Variants in SLC43A2 observed in about 807,000 individuals in gnomAD.
The protein encoded by SLC43A2 is large neutral amino acids transporter small subunit 4.
In SLC43A2, 38 loss-of-function variants were observed where a neutral mutation model predicts 63.2. The observed-to-expected ratio is 0.60, with a 90% CI of 0.46 to 0.79. The LOEUF (loss-of-function observed/expected upper bound fraction) is 0.79. SLC43A2 is among the 30% of genes least tolerant of loss of function. SLC43A2 has a pLI of 0.00. For synonymous variants in SLC43A2, 322 were observed against 331.0 expected (o/e 0.97, Z 0.30); for missense variants, 644 against 756.2 (o/e 0.85, Z 1.74).
chr17:1,603,109 A>G (rs1906231544), intron 5 of SLC43A2: 1 of 152,118 alleles, frequency 6.6e-6, no homozygotes, highest in Non-Finnish European at 1.5e-5. Flanking sequence ...AGTTACTATT[A>G]TGATATGTGT....
At chr17:1,592,150 C>A (rs1161462297) in intron 6 of SLC43A2, among the ~76,000 whole-genome samples, 1 of 152,210 alleles carries the variant, frequency 6.6e-6, no homozygotes, top group African/African-American at 2.4e-5. Context: ...TCAAGGAAGC[C>A]AGGCATGGTG....
At position 1,575,742 on chromosome 17, in the gene SLC43A2, GAGA is replaced by G; in HGVS notation, c.1569_1571del (p.Leu524del). 1.2e-6 allele frequency: 2 copies of G among 1,612,858 alleles called. No homozygotes were observed. Among genetic ancestry groups the G allele is most frequent in the Non-Finnish European group, 1.7e-6 (2 of 1,179,736 alleles). Reference sequence around the variant, plus strand: ...GCGGGAGGCAGAAGCCCAGCAGGCTGAGAAGGAGCAGCCCCACGTTCACCTGGG... The same window carrying G: ...GCGGGAGGCAGAAGCCCAGCAGGCTGAGGAGCAGCCCCACGTTCACCTGGG... On this transcript the variant is annotated inframe_deletion, in exon 14 of 14. Transcript: ENST00000301335.
rs1280993722 is a variant in SLC43A2, at chr17:1,591,486, G to A, written c.729-15C>T. 6.2e-7 allele frequency: 1 copy of A among 1,612,586 alleles called. No individual in the cohort carries two copies. Among genetic ancestry groups the A allele is most frequent in the Non-Finnish European group, 8.5e-7 (1 of 1,179,862 alleles). On this transcript the variant is annotated splice_polypyrimidine_tract_variant and intron_variant, in intron 7 of 13. Coordinates refer to ENST00000301335, the MANE Select transcript of SLC43A2 (RefSeq NM_152346.3). ...TGATCTTCACCCTGGGGCCCCGGGA[G>A]AGTGTCTGTGGGTGCTGCCCGGGAC...
chr17:1,600,994 C>T (rs1429246996), intron 5 of SLC43A2, among the ~76,000 whole-genome samples: 3 of 151,866 alleles, frequency 2.0e-5, no homozygotes, highest in Admixed American at 6.6e-5. Context: ...ATACAAGAAT[C>T]GCGTTGCATA....
At chr17:1,609,556 T>C (rs1212747838) in intron 5 of SLC43A2, among the ~76,000 whole-genome samples, 2 of 152,280 alleles carry the variant, frequency 1.3e-5, no homozygotes, top group East Asian at 3.9e-4. Flanking sequence ...TAAAACATGC[T>C]AATCCTGTGG....
At chr17:1,609,543 T>A (rs1277544774) in intron 5 of SLC43A2, among the ~76,000 whole-genome samples, 1 of 152,196 alleles carries the variant, frequency 6.6e-6, no homozygotes, top group Non-Finnish European at 1.5e-5. Flanking sequence ...ACATATTAAA[T>A]TTTAAAACAT....
chr17:1,602,744 GT>G (rs988970189), intron 5 of SLC43A2, among the ~76,000 whole-genome samples: 6 of 148,246 alleles, frequency 4.0e-5, no homozygotes, highest in Non-Finnish European at 6.0e-5. Flanking sequence ...AATTCATGGT[GT>G]TTTGTTTTTT....
intron 9 of SLC43A2, among the ~76,000 whole-genome samples, chr17:1,586,775 AG>A (rs2076108604): frequency 6.6e-6 from 1 of 152,190 alleles, no homozygotes; most frequent in African/African-American, 2.4e-5. Context: ...TTAAAATGAC[AG>A]TGGATTTTCC....
At chr17:1,599,581 G>T (rs1275300137) in intron 5 of SLC43A2, among the ~76,000 whole-genome samples, 1 of 151,232 alleles carries the variant, frequency 6.6e-6, no homozygotes, top group African/African-American at 2.4e-5. Context: ...GGCACCTGTA[G>T]TCCCAGCTAC....
chr17:1,575,866 G>C (rs146441442), intron 13 of SLC43A2, 101 bp from the exon 14 acceptor site: 3 of 1,360,016 alleles, frequency 2.2e-6, no homozygotes, highest in Non-Finnish European at 3.0e-6. Flanking sequence ...AGGTCACGGG[G>C]TGGAAGGGGG....
intron 3 of SLC43A2, 22 bp downstream of exon 3, chr17:1,616,540 C>T: frequency 6.3e-7 from 1 of 1,594,056 alleles, no homozygotes; most frequent in Non-Finnish European, 8.5e-7. Context: ...CACTCCCTGC[C>T]CCCTAAGGGA....
chr17:1,609,355 C>A (rs1033335954), intron 5 of SLC43A2, among the ~76,000 whole-genome samples: 8 of 152,138 alleles, frequency 5.3e-5, no homozygotes, highest in Non-Finnish European at 1.2e-4. Context: ...GCGCCCTCCA[C>A]CAAGCCCAGC....
intron 5 of SLC43A2, among the ~76,000 whole-genome samples, chr17:1,607,878 G>T (rs1906763257): frequency 6.6e-6 from 1 of 152,068 alleles, no homozygotes; most frequent in South Asian, 2.1e-4. Context: ...ACCACATCTG[G>T]CTAATTTTTG....
chr17:1,616,801 A>G (rs1274686478), intron 2 of SLC43A2, 32 bp from the exon 3 acceptor site: 1 of 1,609,068 alleles, frequency 6.2e-7, no homozygotes, highest in South Asian at 1.1e-5. Context: ...CCCTGACCTC[A>G]GGGTCATGAC....
rs1567613244 is a variant in SLC43A2, at chr17:1,583,435, C to CG, written c.1218-100dup. 2 of 1,559,582 alleles carry CG rather than the reference C, an allele frequency of 1.3e-6. No individual in the cohort carries two copies. Among genetic ancestry groups the CG allele is most frequent in the Admixed American group, 1.8e-5 (1 of 55,714 alleles). ...TCAAGCGTCGCAGCAGGTAAACTGA[C>CG]GCAAGACTCAGAAGCCACCCAGGCA... On this transcript the variant is annotated intron_variant, in intron 10 of 13. Transcript: ENST00000301335. The surrounding 1 kb of genome is among the most constrained non-coding windows in gnomAD (Gnocchi z 5.5).
intron 6 of SLC43A2, 29 bp from the exon 7 acceptor site, chr17:1,591,728 G>GGC (rs1555538849): frequency 9.8e-6 from 9 of 922,554 alleles, no homozygotes; most frequent in Middle Eastern, 3.4e-4. Context: ...ACGGGGTGGG[G>GGC]GGGGGAGGGG....
rs1906475330 is a variant in SLC43A2 at position 1,605,088 on chromosome 17, G to C, written c.501+8107C>G. On this transcript the variant is annotated intron_variant, in intron 5 of 13. Transcript: ENST00000301335. This position sits in a 1 kb window ranked among gnomAD's most constrained non-coding sequence, Gnocchi z 4.9. Reference sequence around the variant, plus strand: ...GACTCACCACCACACTCACAGGTGGGAGTGCAAGCCCCTCTTCCCGCCCTC... The same window carrying C: ...GACTCACCACCACACTCACAGGTGGCAGTGCAAGCCCCTCTTCCCGCCCTC... 1 of 1,375,176 alleles carries C rather than the reference G, an allele frequency of 7.3e-7. No homozygotes were observed. Among genetic ancestry groups the C allele is most frequent in the Admixed American group, 3.1e-5 (1 of 32,168 alleles). The allele number at this position is 1,375,176 out of a possible 1,614,324, so 85.2% of individuals were successfully genotyped here.
In SLC43A2 at chr17:1,596,475, C is replaced by A. The variant is rs539995817; in HGVS notation, c.502-3196G>T. Among the ~76,000 whole-genome samples the A allele has an allele frequency of 2.0e-5, 3 of 152,176 alleles. No individual in the cohort carries two copies. In the South Asian group the frequency reaches 6.2e-4, roughly 32 times the overall value. On this transcript the variant is annotated intron_variant, in intron 5 of 13. Transcript: ENST00000301335. Reference sequence around the variant, plus strand: ...GAGAAACTTCTTACAAATCACAGATCAAGAGCTTGCATCTAGAATATATAA... The same window carrying A: ...GAGAAACTTCTTACAAATCACAGATAAAGAGCTTGCATCTAGAATATATAA...
intron 11 of SLC43A2, among the ~76,000 whole-genome samples, chr17:1,582,943 A>C (rs552396446): frequency 6.6e-6 from 1 of 152,064 alleles, no homozygotes; most frequent in African/African-American, 2.4e-5. Flanking sequence ...GCTGGGCGTG[A>C]TGGTGCGCAC....
Sources: gnomAD v4.1 joint callset for allele counts (sites outside exome capture counted in the v4.1 genomes callset) on GRCh38, gnomAD v4.1.1 for gene constraint, Gnocchi (gnomAD v3.1) non-coding constraint, MANE v1.5 for transcripts, NCBI Gene and HGNC (gene_info 2026-07-23, HGNC 2026-07-21) for gene names.